CDC20B: variants seen among roughly 807,000 people sequenced by gnomAD.
The protein encoded by CDC20B is cell division cycle protein 20 homolog B.
A neutral mutation model predicts 64.1 loss-of-function variants in CDC20B; 58 were observed. The ratio of observed to expected loss-of-function variants is 0.90; its 90% CI spans 0.73 to 1.13. The LOEUF (loss-of-function observed/expected upper bound fraction) is 1.13. Ranked by LOEUF, CDC20B falls within the 50% of genes most tolerant of loss-of-function variation. The probability of loss-of-function intolerance (pLI) is 0.00; values close to 1 mark genes in which losing one functional copy is unlikely to be tolerated. For synonymous variants in CDC20B, 243 were observed against 230.6 expected (o/e 1.05, Z -0.49); for missense variants, 597 against 633.0 (o/e 0.94, Z 0.61).
At chr5:55,140,467 T>C (rs1743300802) in intron 4 of CDC20B, 60 bp from the exon 5 acceptor site, 9 of 1,140,542 alleles carry the variant, frequency 7.9e-6, no homozygotes, top group East Asian at 5.0e-5. Context: ...ACAACTAAAA[T>C]GTAATGTATA....
chr5:55,117,351 C>A (rs1013217304), intron 11 of CDC20B, among the ~76,000 whole-genome samples: 6 of 152,142 alleles, frequency 3.9e-5, no homozygotes, highest in Non-Finnish European at 7.3e-5. Flanking sequence ...TTTGTGACCA[C>A]AATCCACAGC....
Position 55,140,374 on chromosome 5 carries a change from C to A in CDC20B, c.520G>T (p.Val174Leu). 6.2e-7 allele frequency: 1 copy of A among 1,613,234 alleles called. No homozygotes were observed. The highest frequency in any genetic ancestry group is 8.5e-7 in the Non-Finnish European group (1 of 1,179,606). The change falls in exon 5 of 12, where the codon GTG (valine) becomes TTG (leucine). Residue 174 changes from valine to leucine, a missense_variant. Physicochemically the swap from Val to Leu is conservative, Grantham distance 32 (BLOSUM62 1). This residue lies in a region of CDC20B where 241 missense variants were observed against 219.2 expected (regional missense o/e 1.10). Coordinates refer to ENST00000381375, the MANE Select transcript of CDC20B (RefSeq NM_001170402.1). ...ATTTTTCCATTAGCCTGCTGAACCA[C>A]GTTCTGGGTTACAAAGAGTTGTTTT... is the stretch of plus-strand genomic sequence containing the variant. ...CLKQLFVTQN[V>L]VQQANGKMQL...
At position 55,114,000 on chromosome 5, in the gene CDC20B, GA is replaced by G. The variant is rs1432063469; in HGVS notation, c.*217del. The G allele has an allele frequency of 7.1e-6, 5 of 702,304 alleles. No individual in the cohort carries two copies. In the South Asian group the frequency reaches 7.9e-5, roughly 11 times the overall value. The allele number at this position is 702,304 out of a possible 1,614,324, so 43.5% of individuals were successfully genotyped here. On this transcript the variant is annotated 3_prime_UTR_variant, in exon 12 of 12. Coordinates refer to ENST00000381375, the MANE Select transcript of CDC20B (RefSeq NM_001170402.1). ...GGAGGAAGAAGAGGAGGGGGAGGAA[GA>G]GGGGCAGAAAGAAGAAAGCAGAGAA...
At chr5:55,121,552 C>G (rs1486044594) in intron 9 of CDC20B, among the ~76,000 whole-genome samples, 1 of 151,974 alleles carries the variant, frequency 6.6e-6, no homozygotes, top group East Asian at 1.9e-4. Context: ...TTGCTGTTTG[C>G]TCTCATAAAG....
chr5:55,146,549 C>G, intron 3 of CDC20B, 79 bp downstream of exon 3: 2 of 1,032,114 alleles, frequency 1.9e-6, no homozygotes, highest in Non-Finnish European at 3.0e-6. Flanking sequence ...CTCCTTAGTT[C>G]TACAAGACAA....
Position 55,114,287 on chromosome 5 carries a change from C to A in CDC20B, c.1491G>T (p.Leu497Phe), listed in dbSNP as rs1160337912. 29 of 1,614,020 alleles carry A rather than the reference C, an allele frequency of 1.8e-5. No homozygotes were observed. The Middle Eastern group carries it at 5.0e-4, about 28-fold the overall frequency. Residue 497 changes from leucine to phenylalanine, a missense_variant, in exon 12 of 12, where the codon TTG (leucine) becomes TTT (phenylalanine). By Grantham distance (22) the Leu-to-Phe change is conservative (BLOSUM62 0). Transcript: ENST00000381375. The surrounding 1 kb of genome is among the most constrained non-coding windows in gnomAD (Gnocchi z 4.1). Reference sequence around the variant, plus strand: ...AAAACACCCGGGTCTGGTCTGGACTCAAAGACAGGTGCAGCACTCTGCCCC... The same window carrying A: ...AAAACACCCGGGTCTGGTCTGGACTAAAAGACAGGTGCAGCACTCTGCCCC... ...GHRGRVLHLS[L>F]SPDQTRVFSA...
At chr5:55,160,127 C>T (rs1743954050) in intron 2 of CDC20B, 6 of 1,209,646 alleles carry the variant, frequency 5.0e-6, no homozygotes, top group Admixed American at 1.7e-5. Context: ...TAAACTAAGC[C>T]GGTTTCAAGT....
chr5:55,127,420 T>C (rs1345486847), intron 7 of CDC20B, 69 bp from the exon 8 acceptor site: 2 of 1,206,778 alleles, frequency 1.7e-6, no homozygotes, highest in African/African-American at 1.5e-5. Flanking sequence ...CTCAAAGGCC[T>C]GAGAGCCAAT....
intron 2 of CDC20B, among the ~76,000 whole-genome samples, chr5:55,157,588 T>G (rs1034017654): frequency 2.6e-5 from 4 of 152,276 alleles, no homozygotes; most frequent in Non-Finnish European, 4.4e-5. Context: ...ATATGGAATT[T>G]TGTGGTGAAA....
At chr5:55,120,631 G>C in intron 9 of CDC20B, 81 bp from the exon 10 acceptor site, 1 of 1,551,498 alleles carries the variant, frequency 6.4e-7, no homozygotes, top group Non-Finnish European at 8.8e-7. Flanking sequence ...TAGGTAAGCA[G>C]CAAGTCCCCA....
At chr5:55,128,865 C>G (rs1303712547) in intron 6 of CDC20B, among the ~76,000 whole-genome samples, 8 of 152,100 alleles carry the variant, frequency 5.3e-5, no homozygotes, top group Non-Finnish European at 4.4e-5. Flanking sequence ...TATTTAGAGC[C>G]ATTTAAAGAA....
intron 2 of CDC20B, among the ~76,000 whole-genome samples, chr5:55,148,710 A>G (rs549917138): frequency 6.6e-6 from 1 of 152,378 alleles, no homozygotes; most frequent in South Asian, 2.1e-4. Flanking sequence ...AATAAAAACA[A>G]AAAAAGAAAA....
chr5:55,144,813 C>G (rs1743425879), intron 3 of CDC20B, among the ~76,000 whole-genome samples: 1 of 152,152 alleles, frequency 6.6e-6, no homozygotes, highest in Non-Finnish European at 1.5e-5. Flanking sequence ...AGGGACCTCT[C>G]AGGTTCTGTC....
At chr5:55,164,048 AT>A in intron 2 of CDC20B, 2 of 1,558,752 alleles carry the variant, frequency 1.3e-6, no homozygotes, top group East Asian at 2.3e-5. Flanking sequence ...TGTTCTGGAT[AT>A]TTTAGATTCT....
intron 5 of CDC20B, among the ~76,000 whole-genome samples, chr5:55,133,866 C>A (rs888624886): frequency 6.6e-6 from 1 of 152,014 alleles, no homozygotes; most frequent in Non-Finnish European, 1.5e-5. Flanking sequence ...GATTTTAAAA[C>A]CAAAGTGAAT....
rs1269922798 is a variant in CDC20B, at chr5:55,160,289, T to C, written c.126+12299A>G. 1.9e-6 allele frequency: 3 copies of C among 1,613,680 alleles called. No individual in the cohort carries two copies. The highest frequency in any genetic ancestry group is 1.3e-5 in the African/African-American group (1 of 74,940). On this transcript the variant is annotated intron_variant, in intron 2 of 11. Coordinates refer to ENST00000381375, the MANE Select transcript of CDC20B (RefSeq NM_001170402.1). Reference sequence around the variant, plus strand: ...TATAGTTCTATGCACAGTAACGCTATTTCTTCTACAACTAAAATTCCTCAA... The same window carrying C: ...TATAGTTCTATGCACAGTAACGCTACTTCTTCTACAACTAAAATTCCTCAA...
intron 3 of CDC20B, among the ~76,000 whole-genome samples, chr5:55,146,320 T>C (rs921495164): frequency 6.6e-6 from 1 of 152,326 alleles, no homozygotes; most frequent in East Asian, 1.9e-4. Context: ...TATCCATAAA[T>C]GCTGCCCGCC....
At chr5:55,125,610 T>C (rs1287624830) in intron 8 of CDC20B, among the ~76,000 whole-genome samples, 1 of 152,240 alleles carries the variant, frequency 6.6e-6, no homozygotes. Context: ...GTGGATAATG[T>C]CTCCATTCAT....
At chr5:55,167,469 T>G (rs924003671) in intron 2 of CDC20B, among the ~76,000 whole-genome samples, 5 of 152,170 alleles carry the variant, frequency 3.3e-5, no homozygotes, top group Non-Finnish European at 5.9e-5. Context: ...AATCCTGACA[T>G]ACAGCATTTG....
Sources: gnomAD v4.1 joint callset for allele counts (sites outside exome capture counted in the v4.1 genomes callset) on GRCh38, gnomAD v4.1.1 for gene constraint, gnomAD v4.1.1 regional missense constraint, Gnocchi (gnomAD v3.1) non-coding constraint, MANE v1.5 for transcripts, NCBI Gene and HGNC (gene_info 2026-07-23, HGNC 2026-07-21) for gene names.